Variants in LYST observed in about 807,000 individuals in gnomAD.
The protein encoded by LYST is lysosomal-trafficking regulator.
Under a neutral mutation model 413.6 loss-of-function variants are expected in LYST, and 192 were observed. The observed-to-expected ratio is 0.46, with a 90% CI of 0.41 to 0.52. LYST has a LOEUF of 0.52. Among genes scored for constraint, LYST ranks in the 20% least tolerant of loss-of-function variants. LYST has a pLI of 0.00. For missense variants in LYST, 3,815 were observed against 4,499.9 expected (o/e 0.85, Z 4.35); for synonymous variants, 1,525 against 1,567.3 (o/e 0.97, Z 0.64).
intron 11 of LYST, among the ~76,000 whole-genome samples, chr1:235,792,914 T>G (rs1230060702): frequency 1.3e-5 from 2 of 152,308 alleles, no homozygotes; most frequent in African/African-American, 4.8e-5. Context: ...TCTGCCCACC[T>G]AGGCCTCACA....
At chr1:235,715,409 G>T (rs140486308) in intron 41 of LYST, 52 bp from the exon 42 acceptor site, 1 of 1,567,352 alleles carries the variant, frequency 6.4e-7, no homozygotes, top group South Asian at 1.1e-5. Context: ...TCCAGGCAAC[G>T]CTAGAAAAGT....
chr1:235,662,019 G>A lies in LYST; in HGVS notation c.*921C>T, dbSNP rs957905216. ...GCTTTTATAATTCTGTTTTGGGGAA[G>A]AAAATTCTTCCTGCAGATTAGATCA... On this transcript the variant is annotated 3_prime_UTR_variant, in exon 53 of 53. Coordinates refer to ENST00000389793, the MANE Select transcript of LYST (RefSeq NM_000081.4). The A allele has an allele frequency of 3.3e-5, 5 of 152,186 alleles. No individual in the cohort carries two copies. The highest frequency in any genetic ancestry group is 3.2e-3 in the Middle Eastern group (1 of 316). The allele number at this position is 152,186 out of a possible 1,614,324, so 9.4% of individuals were successfully genotyped here.
At chr1:235,734,273 A>C (rs994329175) in intron 32 of LYST, among the ~76,000 whole-genome samples, 3 of 152,104 alleles carry the variant, frequency 2.0e-5, no homozygotes, top group African/African-American at 7.2e-5. Context: ...CTGATAATGG[A>C]TACTGATGAC....
intron 16 of LYST, 89 bp from the exon 17 acceptor site, chr1:235,777,397 C>T: frequency 1.9e-6 from 2 of 1,063,286 alleles, no homozygotes; most frequent in East Asian, 2.5e-5. Context: ...AGTGAAAACA[C>T]ACTCAACTGA....
intron 38 of LYST, among the ~76,000 whole-genome samples, chr1:235,725,799 A>G (rs1213045051): frequency 6.6e-6 from 1 of 152,160 alleles, no homozygotes; most frequent in African/African-American, 2.4e-5. Flanking sequence ...AGAAAAGAAG[A>G]TGAGAAAAGA....
chr1:235,715,287 T>C lies in LYST; in HGVS notation c.9698A>G (p.Tyr3233Cys). ...DPMPPVQPYH[Y>C]GSHYSNSGTV... ...GCCGCTATTGGAATAGTGGGAGCCATAGTGATAGGGCTGCACGGGAGGCAT... is the reference window on the plus strand; with the variant it reads ...GCCGCTATTGGAATAGTGGGAGCCACAGTGATAGGGCTGCACGGGAGGCAT... The change falls in exon 42 of 53, where the codon TAT becomes TGT. Residue 3233 changes from tyrosine to cysteine, a missense_variant. Transcript: ENST00000389793. 1 of 1,613,992 alleles carries C rather than the reference T, an allele frequency of 6.2e-7. No individual in the cohort carries two copies. The highest frequency in any genetic ancestry group is 8.5e-7 in the Non-Finnish European group (1 of 1,179,916).
At chr1:235,829,934 T>C in intron 3 of LYST, 1 of 249,050 alleles carries the variant, frequency 4.0e-6, no homozygotes, top group Non-Finnish European at 7.8e-6. Context: ...GATTATGTCT[T>C]ATATTTCTAC....
chr1:235,763,924 G>A (rs772889025), intron 21 of LYST, among the ~76,000 whole-genome samples: 2 of 152,052 alleles, frequency 1.3e-5, no homozygotes, highest in African/African-American at 2.4e-5. Flanking sequence ...GCTCTCTCTC[G>A]AATGTCAACT....
chr1:235,710,861 G>T (rs1183211318), intron 43 of LYST, among the ~76,000 whole-genome samples: 1 of 152,172 alleles, frequency 6.6e-6, no homozygotes, highest in African/African-American at 2.4e-5. Context: ...ATCCAGGGCT[G>T]CCGTGCTGTG....
chr1:235,695,198 T>C (rs1452957622), intron 46 of LYST, among the ~76,000 whole-genome samples: 1 of 152,254 alleles, frequency 6.6e-6, no homozygotes, highest in African/African-American at 2.4e-5. Flanking sequence ...ATCATCCCCA[T>C]ACATTATTGT....
chr1:235,835,124 C>G (rs1325576475), intron 1 of LYST, among the ~76,000 whole-genome samples: 1 of 151,646 alleles, frequency 6.6e-6, no homozygotes, highest in Non-Finnish European at 1.5e-5. Context: ...GCCACATTGG[C>G]CAGGCTGGTC....
At chr1:235,858,024 T>C (rs111498729) in intron 1 of LYST, among the ~76,000 whole-genome samples, 62 of 152,320 alleles carry the variant, frequency 4.1e-4, no homozygotes, top group African/African-American at 1.4e-3. Context: ...CTGAGAATTT[T>C]GTCGTATGAC....
intron 17 of LYST, among the ~76,000 whole-genome samples, 195 bp from the exon 18 acceptor site, chr1:235,775,281 C>A (rs189010317): frequency 1.3e-5 from 2 of 152,194 alleles, no homozygotes; most frequent in Admixed American, 1.3e-4. Context: ...GTTCTATAGT[C>A]TCTTATATAT....
At chr1:235,663,103 T>C in intron 52 of LYST, 25 bp from the exon 53 acceptor site, 1 of 1,426,328 alleles carries the variant, frequency 7.0e-7, no homozygotes, top group Non-Finnish European at 9.9e-7. Flanking sequence ...AAATTCCCAT[T>C]TGTACATTAT....
intron 42 of LYST, 53 bp from the exon 43 acceptor site, chr1:235,712,250 G>A: frequency 1.6e-6 from 2 of 1,286,662 alleles, no homozygotes; most frequent in Non-Finnish European, 2.2e-6. Context: ...AATTCTATTT[G>A]AGGCCTATCA....
intron 50 of LYST, among the ~76,000 whole-genome samples, chr1:235,673,401 C>T (rs1035018166): frequency 6.6e-6 from 1 of 152,148 alleles, no homozygotes; most frequent in Non-Finnish European, 1.5e-5. Context: ...AAGCCACTAC[C>T]GCCCCCTTAT....
At chr1:235,754,231 T>TTTC (rs1462183710) in intron 25 of LYST, among the ~76,000 whole-genome samples, 1 of 130,358 alleles carries the variant, frequency 7.7e-6, no homozygotes, top group African/African-American at 3.5e-5. Flanking sequence ...TTTCTTTTCT[T>TTTC]TTTTTTTTTT....
chr1:235,664,942 C>T lies in LYST; in HGVS notation c.11039-321G>A, dbSNP rs1307725601. 1.3e-5 allele frequency among the ~76,000 whole-genome samples: 2 copies of T among 152,214 alleles called. No homozygotes were observed. Among genetic ancestry groups the T allele is most frequent in the African/African-American group, 4.8e-5 (2 of 41,538 alleles). ...CTAAGTTGCTGGGACAACAGGTGCA[C>T]GCCACCACATCCGGCTAATTTTTAT... On this transcript the variant is annotated intron_variant, in intron 50 of 52. Coordinates refer to ENST00000389793, the MANE Select transcript of LYST (RefSeq NM_000081.4). This position sits in a 1 kb window ranked among gnomAD's most constrained non-coding sequence, Gnocchi z 4.5.
chr1:235,673,620 T>A (rs1659146965), intron 50 of LYST, among the ~76,000 whole-genome samples: 1 of 152,174 alleles, frequency 6.6e-6, no homozygotes, highest in Non-Finnish European at 1.5e-5. Flanking sequence ...TTACTATCCC[T>A]ACCTCTAGCA....
Sources: allele counts gnomAD v4.1 joint callset (sites outside exome capture counted in the v4.1 genomes callset), GRCh38; gene constraint gnomAD v4.1.1; non-coding constraint Gnocchi (gnomAD v3.1); transcripts MANE v1.5; gene names NCBI Gene and HGNC (gene_info 2026-07-23, HGNC 2026-07-21).